EDNRA: variants seen among roughly 807,000 people sequenced by gnomAD.
The protein encoded by EDNRA is endothelin receptor type A, also known as endothelin-1 receptor.
EDNRA carries 11 observed loss-of-function variants against 41.4 expected under a neutral mutation model. The observed-to-expected ratio is 0.27, with a 90% CI of 0.17 to 0.44. The LOEUF (loss-of-function observed/expected upper bound fraction) is 0.44, where lower values mean the gene tolerates loss of function less well. Ranked by LOEUF, EDNRA falls within the 20% of genes least tolerant of loss-of-function variation. EDNRA has a pLI of 1.00. For missense variants in EDNRA, 294 were observed against 531.0 expected, an observed-to-expected ratio of 0.55 and a Z score of 4.39; for synonymous variants, 172 against 183.0, an observed-to-expected ratio of 0.94 and a Z score of 0.49.
At chr4:147,489,095 T>C (rs1729045990) in intron 2 of EDNRA, 2 of 152,244 alleles carry the variant, frequency 1.3e-5, no homozygotes, top group Admixed American at 1.3e-4. Context: ...TCTAATATGC[T>C]CTTCAAAGAA....
At position 147,498,819 on chromosome 4, in the gene EDNRA, T is replaced by C. The variant is rs566266162; in HGVS notation, c.420+12718T>C. 5.9e-5 allele frequency among the ~76,000 whole-genome samples: 9 copies of C among 152,246 alleles called. No homozygotes were observed. In the South Asian group the frequency reaches 1.0e-3, roughly 18 times the overall value. On this transcript the variant is annotated intron_variant, in intron 2 of 7. Coordinates refer to ENST00000651419, the MANE Select transcript of EDNRA (RefSeq NM_001957.4). ...ATGGGGTTTCACTGTTTCCCAGGCT[T>C]ATCTTGAACTCTTAAACTCAAGCAA...
intron 3 of EDNRA, among the ~76,000 whole-genome samples, chr4:147,529,777 T>G (rs184504008): frequency 3.3e-4 from 50 of 152,324 alleles, no homozygotes; most frequent in African/African-American, 1.1e-3. Context: ...GTTGTGCCAT[T>G]ATATTCAAAA....
rs1291961705 is a variant in EDNRA at position 147,485,978 on chromosome 4, A to C, written c.297A>C (p.Ala99=). The change falls in exon 2 of 8, where the codon GCA becomes GCC. Residue 99 remains alanine, a synonymous_variant. Transcript: ENST00000651419. ...TIFIVGMVGN[A]TLLRIIYQNK... ...TCATCGTGGGAATGGTGGGGAATGC[A>C]ACTCTGCTCAGGATCATTTACCAGA... The C allele has an allele frequency of 2.5e-6, 4 of 1,614,270 alleles. No homozygotes were observed. The highest frequency in any genetic ancestry group is 3.4e-6 in the Non-Finnish European group (4 of 1,180,048).
chr4:147,525,572 ATTAC>A (rs1730506813), intron 3 of EDNRA, among the ~76,000 whole-genome samples: 2 of 143,724 alleles, frequency 1.4e-5, no homozygotes, highest in South Asian at 4.5e-4. Context: ...AGTTTTATAT[ATTAC>A]TTTGAGTTTG....
rs1360457648 is a variant in EDNRA, at chr4:147,504,976, A to AAAAAAAAAAAG, written c.421-14874_421-14873insAAAAAAAAAGA. On this transcript the variant is annotated intron_variant, in intron 2 of 7. Transcript: ENST00000651419. ...CTGTCTCAAAAAAAAAAAAAAAAAA[A>AAAAAAAAAAAG]AGGATTCATATCTAGAATATACAGA... Among the ~76,000 whole-genome samples, 22 of 149,238 alleles carry AAAAAAAAAAAG rather than the reference A, an allele frequency of 1.5e-4. No individual in the cohort carries two copies. The South Asian group carries it at 1.5e-3, about 10-fold the overall frequency.
intron 1 of EDNRA, among the ~76,000 whole-genome samples, chr4:147,483,405 T>G (rs1728838517): frequency 6.6e-6 from 1 of 152,212 alleles, no homozygotes. Flanking sequence ...GAGATATTGC[T>G]CCTGCCTACC....
At chr4:147,511,374 C>T (rs746323784) in intron 2 of EDNRA, among the ~76,000 whole-genome samples, 1 of 152,142 alleles carries the variant, frequency 6.6e-6, no homozygotes, top group Non-Finnish European at 1.5e-5. Flanking sequence ...ATCTTATTTA[C>T]TATCAAGTCA....
intron 2 of EDNRA, among the ~76,000 whole-genome samples, chr4:147,500,611 G>C (rs1729484374): frequency 6.6e-6 from 1 of 152,140 alleles, no homozygotes; most frequent in Non-Finnish European, 1.5e-5. Context: ...CCAGCTACTG[G>C]AAGGCTGAAG....
chr4:147,533,375 C>T (rs550334561), intron 4 of EDNRA, among the ~76,000 whole-genome samples: 11 of 152,208 alleles, frequency 7.2e-5, no homozygotes, highest in Admixed American at 3.3e-4. Flanking sequence ...ATTTAAAATG[C>T]ATCTTTTCTT....
In EDNRA at chr4:147,519,609, T is replaced by C. The variant is rs2126448286; in HGVS notation, c.421-242T>C. On this transcript the variant is annotated intron_variant, in intron 2 of 7. Transcript: ENST00000651419. The surrounding 1 kb of genome is among the most constrained non-coding windows in gnomAD (Gnocchi z 4.1). ...TATGTATTAAATATATATCACAATA[T>C]ATTCATGTTACTACATATTAATAAT... is the stretch of plus-strand genomic sequence containing the variant. Among the ~76,000 whole-genome samples, 1 of 150,474 alleles carries C rather than the reference T, an allele frequency of 6.6e-6. No individual in the cohort carries two copies. The highest frequency in any genetic ancestry group is 6.6e-5 in the Admixed American group (1 of 15,046).
At chr4:147,484,339 A>G (rs1246927937) in intron 1 of EDNRA, among the ~76,000 whole-genome samples, 3 of 152,212 alleles carry the variant, frequency 2.0e-5, no homozygotes, top group Admixed American at 6.5e-5. Flanking sequence ...CTATTGCTTC[A>G]TCTAAACTCT....
chr4:147,538,376 G>A (rs1361097503), intron 5 of EDNRA, among the ~76,000 whole-genome samples: 2 of 152,160 alleles, frequency 1.3e-5, no homozygotes, highest in East Asian at 1.9e-4. Context: ...CTGCCAAGTG[G>A]CCATGTAGAT....
intron 1 of EDNRA, among the ~76,000 whole-genome samples, chr4:147,484,916 A>C (rs1728892132): frequency 6.6e-6 from 1 of 152,248 alleles, no homozygotes; most frequent in Admixed American, 6.5e-5. Context: ...CAGAGTTCTC[A>C]TTAACATTTC....
intron 2 of EDNRA, among the ~76,000 whole-genome samples, chr4:147,499,973 CT>C (rs1434040185): frequency 6.6e-6 from 1 of 151,612 alleles, no homozygotes; most frequent in East Asian, 1.9e-4. Flanking sequence ...CCCAGCTAAT[CT>C]TTGTATTTTT....
At chr4:147,541,903 T>G (rs978109398) in intron 7 of EDNRA, among the ~76,000 whole-genome samples, 2 of 152,170 alleles carry the variant, frequency 1.3e-5, no homozygotes, top group Non-Finnish European at 1.5e-5. Flanking sequence ...AGGTAAAAAT[T>G]ATCAGAAATT....
At chr4:147,537,612 G>C (rs5013937) in intron 5 of EDNRA, among the ~76,000 whole-genome samples, 8 of 151,764 alleles carry the variant, frequency 5.3e-5, no homozygotes, top group African/African-American at 9.7e-5. Context: ...ATTGTGGAAA[G>C]AAATAATTGT....
At chr4:147,489,189 G>T (rs1054164024) in intron 2 of EDNRA, 4 of 152,042 alleles carry the variant, frequency 2.6e-5, no homozygotes, top group African/African-American at 9.7e-5. Context: ...AATTTATGGG[G>T]TGCAAGTGTA....
At chr4:147,523,212 G>C (rs1730386821) in intron 3 of EDNRA, among the ~76,000 whole-genome samples, 1 of 152,196 alleles carries the variant, frequency 6.6e-6, no homozygotes. Context: ...AAAGGTGCCA[G>C]ACTCTTAGTT....
intron 2 of EDNRA, among the ~76,000 whole-genome samples, chr4:147,516,321 T>A (rs982585977): frequency 6.6e-6 from 1 of 152,234 alleles, no homozygotes; most frequent in Non-Finnish European, 1.5e-5. Flanking sequence ...GACTCTTAAA[T>A]AGCACAGTAT....
Sources: gnomAD v4.1 joint callset for allele counts (sites outside exome capture counted in the v4.1 genomes callset) on GRCh38, gnomAD v4.1.1 for gene constraint, Gnocchi (gnomAD v3.1) non-coding constraint, MANE v1.5 for transcripts, NCBI Gene and HGNC (gene_info 2026-07-23, HGNC 2026-07-21) for gene names.